The following LSM14A variants were observed in gnomAD, a reference collection of about 807,000 sequenced individuals.
LSM14A encodes protein LSM14 homolog A.
Under a neutral mutation model 52.4 loss-of-function variants are expected in LSM14A, and 14 were observed. The observed-to-expected ratio is 0.27, with a 90% CI of 0.18 to 0.42. LSM14A has a LOEUF of 0.42. LSM14A is among the 10% of genes least tolerant of loss of function. The probability of loss-of-function intolerance (pLI) is 1.00; values close to 1 mark genes in which losing one functional copy is unlikely to be tolerated. For synonymous variants in LSM14A, 185 were observed against 200.3 expected, an observed-to-expected ratio of 0.92 and a Z score of 0.64; for missense variants, 417 against 581.8, an observed-to-expected ratio of 0.72 and a Z score of 2.91.
At chr19:34,218,296 G>A (rs1172572782) in intron 6 of LSM14A, among the ~76,000 whole-genome samples, 7 of 152,122 alleles carry the variant, frequency 4.6e-5, no homozygotes, top group East Asian at 1.9e-4. Flanking sequence ...GAGCCACCGC[G>A]CCTGGCCCCA....
At chr19:34,215,548 A>G (rs760925694) in intron 5 of LSM14A, 48 bp from the exon 6 acceptor site, 24 of 1,441,966 alleles carry the variant, frequency 1.7e-5, no homozygotes, top group Non-Finnish European at 2.2e-5. Flanking sequence ...GAAGTTTTTG[A>G]TGATGTACCC....
At chr19:34,197,342 C>T (rs757249417) in intron 3 of LSM14A, among the ~76,000 whole-genome samples, 21 of 151,764 alleles carry the variant, frequency 1.4e-4, no homozygotes, top group Non-Finnish European at 2.5e-4. Context: ...CCACCTGCTT[C>T]GGCCTCCCAA....
intron 4 of LSM14A, among the ~76,000 whole-genome samples, chr19:34,214,706 A>T (rs904033483): frequency 1.3e-4 from 20 of 152,244 alleles, no homozygotes; most frequent in Non-Finnish European, 1.5e-5. Flanking sequence ...AAGAAAGATT[A>T]AAACAAGTCA....
In LSM14A at chr19:34,196,612, A is replaced by C; in HGVS notation, c.286-22A>C. The C allele has an allele frequency of 4.4e-6, 7 of 1,573,172 alleles. 1 individual carries two copies. The highest frequency in any genetic ancestry group is 6.0e-6 in the Non-Finnish European group (7 of 1,166,266). On this transcript the variant is annotated intron_variant, in intron 2 of 9. Transcript: ENST00000544216. ...TACATGTTGCTTAGAGCTTGGAAAC[A>C]TAACTCATGATTTTCCTTCAGTCCT...
At chr19:34,207,041 CAA>C (rs2071751286) in intron 3 of LSM14A, among the ~76,000 whole-genome samples, 1 of 152,160 alleles carries the variant, frequency 6.6e-6, no homozygotes, top group African/African-American at 2.4e-5. Context: ...ATTGTTTTAA[CAA>C]GAGGTGTTGC....
chr19:34,172,851 T>G, intron 1 of LSM14A, 88 bp downstream of exon 1: 1 of 1,395,236 alleles, frequency 7.2e-7, no homozygotes, highest in Non-Finnish European at 9.4e-7. Flanking sequence ...CCTCGTTCCC[T>G]CCCCTCCCTC....
At chr19:34,218,885 TGTG>T (rs1290818050) in intron 6 of LSM14A, among the ~76,000 whole-genome samples, 1 of 152,226 alleles carries the variant, frequency 6.6e-6, no homozygotes, top group Non-Finnish European at 1.5e-5. Flanking sequence ...TTATCTGTGA[TGTG>T]GAAATAACAC....
At chr19:34,190,487 A>G (rs2070284105) in intron 1 of LSM14A, among the ~76,000 whole-genome samples, 1 of 152,072 alleles carries the variant, frequency 6.6e-6, no homozygotes, top group South Asian at 2.1e-4. Flanking sequence ...AGAATTTAAC[A>G]AATTCTTTCA....
chr19:34,174,179 C>T (rs1259156048), intron 1 of LSM14A, among the ~76,000 whole-genome samples: 3 of 152,158 alleles, frequency 2.0e-5, no homozygotes, highest in Admixed American at 6.5e-5. Context: ...GAACTCCTGA[C>T]CTCAGGTGAT....
intron 1 of LSM14A, among the ~76,000 whole-genome samples, chr19:34,189,638 TGATTAGAACATA>T (rs1340111039): frequency 2.6e-5 from 4 of 151,508 alleles, no homozygotes; most frequent in Non-Finnish European, 4.4e-5. Flanking sequence ...AAAAAAAAAA[TGATTAGAACATA>T]GTTCAGATTT....
intron 5 of LSM14A, 124 bp from the exon 6 acceptor site, chr19:34,215,472 T>C (rs2072510682): frequency 9.1e-7 from 1 of 1,095,356 alleles, no homozygotes; most frequent in East Asian, 2.4e-5. Context: ...GTGGGTATAG[T>C]TTTTTGGGCA....
chr19:34,220,140 T>A (rs1288054066), intron 8 of LSM14A, among the ~76,000 whole-genome samples: 1 of 152,122 alleles, frequency 6.6e-6, no homozygotes, highest in African/African-American at 2.4e-5. Context: ...CTAATTTTTT[T>A]CATTTTTTTG....
chr19:34,192,319 G>GTTGTTTTTTT lies in LSM14A; in HGVS notation c.122-2157_122-2156insGTTTTTTTTT, dbSNP rs60512063. ...ACACTGAAATAACATTCTTTTTGTT[G>GTTGTTTTTTT]TTTTTTTTTTTTTTTTTTTTTTTGG... On this transcript the variant is annotated intron_variant, in intron 1 of 9. Coordinates refer to ENST00000544216, the MANE Select transcript of LSM14A (RefSeq NM_015578.4). Among the ~76,000 whole-genome samples, 9 of 53,410 alleles carry GTTGTTTTTTT rather than the reference G, an allele frequency of 1.7e-4. 1 individual carries two copies. Among genetic ancestry groups the GTTGTTTTTTT allele is most frequent in the African/African-American group, 7.3e-4 (9 of 12,352 alleles). 35.0% of individuals were successfully genotyped at this position (53,410 alleles called of 152,430 possible). A position where few individuals can be genotyped will look rare whatever the true frequency, so the allele number is the denominator to read the frequency against.
chr19:34,181,211 A>G (rs1178437490), intron 1 of LSM14A, among the ~76,000 whole-genome samples: 7 of 151,972 alleles, frequency 4.6e-5, no homozygotes, highest in Non-Finnish European at 1.0e-4. Flanking sequence ...TACTCTCCTC[A>G]GTTTTTCCTT....
rs1024314155 is a variant in LSM14A at position 34,227,784 on chromosome 19, A to G, written c.*396A>G. 1.8e-5 allele frequency: 3 copies of G among 163,348 alleles called. No individual in the cohort carries two copies. The highest frequency in any genetic ancestry group is 3.7e-5 in the Non-Finnish European group (3 of 80,088). The allele number at this position is 163,348 out of a possible 1,614,324, so 10.1% of individuals were successfully genotyped here. ...GCCGTGATACTGTGTTTTGAGCCACAGAAGGTTGTGTGTGTGTGTGTGTGT... is the reference window on the plus strand; with the variant it reads ...GCCGTGATACTGTGTTTTGAGCCACGGAAGGTTGTGTGTGTGTGTGTGTGT... On this transcript the variant is annotated 3_prime_UTR_variant, in exon 10 of 10. Transcript: ENST00000544216.
chr19:34,218,639 G>C (rs1205723262), intron 6 of LSM14A, among the ~76,000 whole-genome samples: 1 of 151,890 alleles, frequency 6.6e-6, no homozygotes, highest in African/African-American at 2.4e-5. Context: ...TTTTTTTCTT[G>C]TTAGTCATTT....
intron 7 of LSM14A, 38 bp from the exon 8 acceptor site, chr19:34,219,668 G>T: frequency 6.3e-7 from 1 of 1,585,362 alleles, no homozygotes; most frequent in Non-Finnish European, 8.6e-7. Flanking sequence ...ATTCAGATTA[G>T]CTGTCTTGAC....
chr19:34,208,135 C>T (rs565791456), intron 3 of LSM14A: 2 of 152,236 alleles, frequency 1.3e-5, no homozygotes, highest in African/African-American at 4.8e-5. Flanking sequence ...CAGTGGAAGC[C>T]ACCAGAAGGT....
At chr19:34,208,828 G>A (rs1280229020) in intron 3 of LSM14A, 101 bp from the exon 4 acceptor site, 3 of 738,666 alleles carry the variant, frequency 4.1e-6, no homozygotes, top group East Asian at 5.7e-5. Flanking sequence ...GGGGGGAGAG[G>A]TAGACAATTA....
Sources: allele counts gnomAD v4.1 joint callset (sites outside exome capture counted in the v4.1 genomes callset), GRCh38; gene constraint gnomAD v4.1.1; transcripts MANE v1.5; gene names NCBI Gene and HGNC (gene_info 2026-07-23, HGNC 2026-07-21).